The following RNF144A variants were observed in gnomAD, a reference collection of about 807,000 sequenced individuals.
RNF144A encodes ring finger protein 144A, also known as E3 ubiquitin-protein ligase RNF144A.
Under a neutral mutation model 38.7 loss-of-function variants are expected in RNF144A, and 11 were observed. The ratio of observed to expected loss-of-function variants is 0.28; its 90% CI spans 0.18 to 0.47. RNF144A has a LOEUF of 0.47. RNF144A is among the 20% of genes least tolerant of loss of function. The pLI, the probability that RNF144A is intolerant of heterozygous loss-of-function variation, is 0.99. For synonymous variants in RNF144A, 149 were observed against 143.9 expected (o/e 1.04, Z -0.25); for missense variants, 316 against 377.2 (o/e 0.84, Z 1.34).
intron 2 of RNF144A, among the ~76,000 whole-genome samples, chr2:6,987,402 C>T (rs946272946): frequency 6.6e-6 from 1 of 152,074 alleles, no homozygotes; most frequent in Non-Finnish European, 1.5e-5. Flanking sequence ...GATCACAATT[C>T]TGTCCTCTCT....
At chr2:7,061,482 T>C (rs1395828964) in intron 6 of RNF144A, among the ~76,000 whole-genome samples, 21 of 151,530 alleles carry the variant, frequency 1.4e-4, no homozygotes, top group Non-Finnish European at 4.4e-5. Context: ...GGTGATGATG[T>C]TTTTTTTAAT....
chr2:6,984,494 G>A (rs1018697328), intron 2 of RNF144A, among the ~76,000 whole-genome samples: 7 of 151,980 alleles, frequency 4.6e-5, no homozygotes, highest in Admixed American at 3.9e-4. Flanking sequence ...AGTAGAGACG[G>A]GGTTTCACCA....
downstream of RNF144A, among the ~76,000 whole-genome samples, chr2:7,048,490 AC>A (rs1386311540): frequency 1.3e-5 from 2 of 152,188 alleles, no homozygotes; most frequent in African/African-American, 2.4e-5. Context: ...GCCCGGCCCA[AC>A]CCCACAGCCA....
intron 1 of RNF144A, among the ~76,000 whole-genome samples, chr2:6,924,400 C>T (rs1430611911): frequency 1.3e-5 from 2 of 152,224 alleles, no homozygotes; most frequent in African/African-American, 2.4e-5. Context: ...TAGAACCAAG[C>T]GCCTGAATGT....
chr2:7,001,660 G>C (rs1215599808), intron 3 of RNF144A, among the ~76,000 whole-genome samples: 1 of 152,234 alleles, frequency 6.6e-6, no homozygotes, highest in Non-Finnish European at 1.5e-5. Context: ...CTGGGCAGCA[G>C]AGCAAGACCC....
chr2:7,029,469 T>C (rs1200665250), intron 7 of RNF144A, among the ~76,000 whole-genome samples: 1 of 152,182 alleles, frequency 6.6e-6, no homozygotes, highest in African/African-American at 2.4e-5. Flanking sequence ...CCACAGGTGT[T>C]CCTGGAGTGC....
Position 6,958,836 on chromosome 2 carries a change from T to C in RNF144A, c.-12+17689T>C, listed in dbSNP as rs1667163173. ...GGGGTAGGCTGTGCAGAGATCAAGG[T>C]TGGGAGTGGGCCCTGCTGAAAGGAG... On this transcript the variant is annotated intron_variant, in intron 2 of 8. Transcript: ENST00000320892. This position sits in a 1 kb window ranked among gnomAD's most constrained non-coding sequence, Gnocchi z 4.5. Among the ~76,000 whole-genome samples, 1 of 152,158 alleles carries C rather than the reference T, an allele frequency of 6.6e-6. No individual in the cohort carries two copies. Among genetic ancestry groups the C allele is most frequent in the Non-Finnish European group, 1.5e-5 (1 of 68,014 alleles).
In RNF144A at chr2:6,931,323, T is replaced by C. The variant is rs149227645; in HGVS notation, c.-211-9625T>C. On this transcript the variant is annotated intron_variant, in intron 1 of 8. Transcript: ENST00000320892. Reference sequence around the variant, plus strand: ...AATTGTACCAGGGTTACTTCTTTTGTGGGAATCCTCTGAGGATTAAAGAAA... The same window carrying C: ...AATTGTACCAGGGTTACTTCTTTTGCGGGAATCCTCTGAGGATTAAAGAAA... Among the ~76,000 whole-genome samples the C allele has an allele frequency of 2.8e-3, 431 of 152,356 alleles. 2 individuals are homozygous for C. The highest frequency in any genetic ancestry group is 0.01 in the African/African-American group (421 of 41,590).
intron 2 of RNF144A, among the ~76,000 whole-genome samples, chr2:6,968,956 G>A (rs1047936172): frequency 1.1e-4 from 16 of 152,138 alleles, no homozygotes; most frequent in African/African-American, 3.9e-4. Context: ...GCTCAGAGCC[G>A]CACCTCAAGA....
Position 6,996,651 on chromosome 2 carries a change from G to A in RNF144A, c.-11-265G>A, listed in dbSNP as rs570360664. Reference sequence around the variant, plus strand: ...TGCCTATAGTCCTAGCTACTCAGGAGGCTGAGGCAAGAGAATCGCTTGAAC... The same window carrying A: ...TGCCTATAGTCCTAGCTACTCAGGAAGCTGAGGCAAGAGAATCGCTTGAAC... On this transcript the variant is annotated intron_variant, in intron 2 of 8. Transcript: ENST00000320892. The A allele has an allele frequency of 7.7e-6, 3 of 391,762 alleles. No homozygotes were observed. In the East Asian group the frequency reaches 1.3e-4, roughly 17 times the overall value. 24.3% of individuals were successfully genotyped at this position (391,762 alleles called of 1,614,324 possible). A position where few individuals can be genotyped will look rare whatever the true frequency, so the allele number is the denominator to read the frequency against.
intron 2 of RNF144A, among the ~76,000 whole-genome samples, chr2:6,995,998 G>A (rs1012177846): frequency 5.3e-5 from 8 of 152,212 alleles, no homozygotes; most frequent in African/African-American, 1.9e-4. Context: ...GGATGAGCCA[G>A]CTGAGGCTGA....
intron 1 of RNF144A, among the ~76,000 whole-genome samples, chr2:6,925,872 A>G (rs900328871): frequency 4.6e-5 from 7 of 152,228 alleles, no homozygotes; most frequent in African/African-American, 1.7e-4. Context: ...ACGTGTGCGC[A>G]CACACACAAA....
Position 7,020,506 on chromosome 2 carries a change from C to A in RNF144A, c.335C>A (p.Pro112Gln). The A allele has an allele frequency of 6.2e-7, 1 of 1,613,728 alleles. No individual in the cohort carries two copies. The highest frequency in any genetic ancestry group is 8.5e-7 in the Non-Finnish European group (1 of 1,179,990). Residue 112 changes from proline (P) to glutamine (Q), a missense_variant, in exon 6 of 9, where the codon CCG becomes CAG. By Grantham distance (76) the Pro-to-Gln change is moderately conservative. Transcript: ENST00000320892. ...VLFDPCRTWC[P>Q]ASTCQAVCQL... ...TTTGATCCCTGTCGGACTTGGTGCC[C>A]GGCGTCCACCTGCCAAGCTGTGTGT...
rs1466591967 is a variant in RNF144A, at chr2:7,030,114, T to C, written c.658-12T>C. ...CACTCGTTCATGCCGTCTCTGTCTC[T>C]GCCCCTCACAGGATGATTTCCTTCT... On this transcript the variant is annotated splice_polypyrimidine_tract_variant and intron_variant, in intron 7 of 8. Coordinates refer to ENST00000320892, the MANE Select transcript of RNF144A (RefSeq NM_014746.6). 2 of 1,602,144 alleles carry C rather than the reference T, an allele frequency of 1.2e-6. No homozygotes were observed. The highest frequency in any genetic ancestry group is 2.2e-5 in the South Asian group (2 of 90,868).
At chr2:7,009,242 T>C (rs111796744) in intron 3 of RNF144A, among the ~76,000 whole-genome samples, 58 of 152,344 alleles carry the variant, frequency 3.8e-4, no homozygotes, top group African/African-American at 1.3e-3. Flanking sequence ...GCCGGGGCCT[T>C]ACTTTATATA....
intron 2 of RNF144A, among the ~76,000 whole-genome samples, chr2:6,953,662 C>T (rs1308550347): frequency 1.3e-5 from 2 of 152,046 alleles, no homozygotes; most frequent in Non-Finnish European, 2.9e-5. Context: ...TTCTTTATGT[C>T]CCAGTATAAT....
intron 1 of RNF144A, among the ~76,000 whole-genome samples, chr2:6,933,885 C>T (rs976945832): frequency 6.6e-6 from 1 of 152,054 alleles, no homozygotes; most frequent in African/African-American, 2.4e-5. Flanking sequence ...TTCAGCTTTT[C>T]TTCTATTGAT....
At chr2:7,016,671 C>T (rs1229638744) in intron 5 of RNF144A, among the ~76,000 whole-genome samples, 4 of 150,766 alleles carry the variant, frequency 2.7e-5, no homozygotes, top group African/African-American at 9.8e-5. Flanking sequence ...CTAGATAAAA[C>T]GTTAGAATGT....
At chr2:7,002,544 T>TG (rs1210950859) in intron 3 of RNF144A, among the ~76,000 whole-genome samples, 1 of 152,154 alleles carries the variant, frequency 6.6e-6, no homozygotes, top group Non-Finnish European at 1.5e-5. Flanking sequence ...AAGAGGGTGT[T>TG]GGGGCATGAT....
Sources: allele counts gnomAD v4.1 joint callset (sites outside exome capture counted in the v4.1 genomes callset), GRCh38; gene constraint gnomAD v4.1.1; non-coding constraint Gnocchi (gnomAD v3.1); transcripts MANE v1.5; gene names NCBI Gene and HGNC (gene_info 2026-07-23, HGNC 2026-07-21).